Variants in GRM4 observed in about 807,000 individuals in gnomAD.
The protein encoded by GRM4 is metabotropic glutamate receptor 4.
A neutral mutation model predicts 81.7 loss-of-function variants in GRM4; 28 were observed. The ratio of observed to expected loss-of-function variants is 0.34; its 90% confidence interval spans 0.25 to 0.47. GRM4 has a LOEUF of 0.47. GRM4 is among the 20% of genes least tolerant of loss of function. GRM4 has a pLI of 1.00. For synonymous variants in GRM4, 488 were observed against 528.8 expected, an observed-to-expected ratio of 0.92 and a Z score of 1.06; for missense variants, 948 against 1,290.0, an observed-to-expected ratio of 0.73 and a Z score of 4.06.
intron 2 of GRM4, among the ~76,000 whole-genome samples, chr6:34,107,148 G>T (rs1275223038): frequency 6.6e-6 from 1 of 152,206 alleles, no homozygotes; most frequent in Non-Finnish European, 1.5e-5. Context: ...GACCCCAGGG[G>T]ATCTTTGCCT....
chr6:34,110,855 G>A (rs2127499106), intron 2 of GRM4: 1 of 1,333,662 alleles, frequency 7.5e-7, no homozygotes, highest in African/African-American at 1.5e-5. Flanking sequence ...TCCAGCTCAG[G>A]CCTGGAGGTG....
chr6:34,123,937 C>T (rs1373992639), intron 2 of GRM4, among the ~76,000 whole-genome samples: 4 of 152,064 alleles, frequency 2.6e-5, no homozygotes, highest in East Asian at 3.9e-4. Context: ...GGGTGGGGTC[C>T]GAAGAGGCCC....
chr6:34,073,209 T>C (rs1424395680), intron 3 of GRM4, among the ~76,000 whole-genome samples: 6 of 418 alleles, frequency 0.014, no homozygotes, highest in Admixed American at 0.12. Flanking sequence ...CACCCACACA[T>C]CACACAAACA....
intron 1 of GRM4, among the ~76,000 whole-genome samples, chr6:34,151,973 T>C (rs1263811941): frequency 6.6e-5 from 10 of 152,054 alleles, no homozygotes. Context: ...GAAATGCTTT[T>C]CAAGGGCCAG....
intron 3 of GRM4, among the ~76,000 whole-genome samples, chr6:34,075,875 A>G (rs937039): frequency 0.35 from 53,036 of 152,122 alleles, 11,549 homozygotes; most frequent in Non-Finnish European, 0.49. Flanking sequence ...TCCATGCTCA[A>G]CCGACGATAG....
intron 9 of GRM4, among the ~76,000 whole-genome samples, chr6:34,032,613 C>T (rs1056543656): frequency 4.6e-5 from 7 of 152,220 alleles, no homozygotes; most frequent in South Asian, 2.1e-4. Flanking sequence ...GCCAGCCTGT[C>T]GTATGACCTG....
intron 6 of GRM4, among the ~76,000 whole-genome samples, chr6:34,052,269 T>A (rs1450510460): frequency 6.6e-6 from 1 of 152,216 alleles, no homozygotes; most frequent in East Asian, 1.9e-4. Context: ...AAGCTCCAAT[T>A]GTTCACAGTG....
chr6:34,067,987 G>C (rs1484607316), intron 3 of GRM4, among the ~76,000 whole-genome samples: 1 of 152,244 alleles, frequency 6.6e-6, no homozygotes, highest in Non-Finnish European at 1.5e-5. Flanking sequence ...CCGCAGACGT[G>C]TACTGAGCGC....
rs200974018 is a variant in GRM4 at position 34,072,598 on chromosome 6, C to CCA, written c.737-10572_737-10571dup. Among the ~76,000 whole-genome samples, 317 of 145,082 alleles carry CCA rather than the reference C, an allele frequency of 2.2e-3. 4 individuals are homozygous for CCA. The highest frequency in any genetic ancestry group is 0.011 in the South Asian group (51 of 4,624). On this transcript the variant is annotated intron_variant, in intron 3 of 10. Transcript: ENST00000538487. ...CACACACATATCACACAGATACAGA[C>CCA]CACACACACACACACACACATCACC...
At chr6:34,044,423 T>C (rs1057080418) in intron 6 of GRM4, among the ~76,000 whole-genome samples, 182 of 113,446 alleles carry the variant, frequency 1.6e-3, no homozygotes, top group Middle Eastern at 0.014. Context: ...GACACACACA[T>C]ACACACAGAC....
In GRM4 at chr6:34,125,747, G is replaced by A. The variant is rs184116269; in HGVS notation, c.519+7231C>T. ...CCACGTCCCTTCCCCTCTCTATTCA[G>A]GCTCAGGCCTGGCTCTGGTCTGGAG... On this transcript the variant is annotated intron_variant, in intron 2 of 10. Coordinates refer to ENST00000538487, the MANE Select transcript of GRM4 (RefSeq NM_000841.4). Among the ~76,000 whole-genome samples the A allele has an allele frequency of 1.2e-3, 188 of 152,336 alleles. 2 individuals are homozygous for A. Among genetic ancestry groups the A allele is most frequent in the African/African-American group, 4.1e-3 (172 of 41,580 alleles).
chr6:34,091,223 G>A (rs114088906), intron 3 of GRM4, among the ~76,000 whole-genome samples: 2,283 of 152,290 alleles, frequency 0.015, 39 homozygotes, highest in African/African-American at 0.042. Context: ...CCTTGTTATC[G>A]CTCAGCCACT....
At chr6:34,137,986 C>A (rs946328184) in intron 1 of GRM4, among the ~76,000 whole-genome samples, 1 of 152,140 alleles carries the variant, frequency 6.6e-6, no homozygotes, top group Admixed American at 6.5e-5. Flanking sequence ...CCAGAAAGAA[C>A]CACAAACCAC....
intron 3 of GRM4, among the ~76,000 whole-genome samples, chr6:34,087,968 G>A (rs1289363996): frequency 1.3e-5 from 2 of 152,114 alleles, no homozygotes; most frequent in African/African-American, 2.4e-5. Context: ...GGACACACCT[G>A]TATCTCCATT....
chr6:34,077,045 C>T (rs1363358422), intron 3 of GRM4, among the ~76,000 whole-genome samples: 1 of 152,036 alleles, frequency 6.6e-6, no homozygotes, highest in Non-Finnish European at 1.5e-5. Flanking sequence ...GGTGGGTAGC[C>T]TCTGCAAGTT....
At chr6:34,044,696 A>G (rs1765247430) in intron 6 of GRM4, among the ~76,000 whole-genome samples, 1 of 147,108 alleles carries the variant, frequency 6.8e-6, no homozygotes, top group South Asian at 2.1e-4. Flanking sequence ...ACATACATAC[A>G]CATATATACA....
At position 34,133,868 on chromosome 6, in the gene GRM4, G is replaced by A. The variant is rs1237864852; in HGVS notation, c.-363-9C>T. The A allele has an allele frequency of 7.7e-6, 8 of 1,041,292 alleles. No homozygotes were observed. The highest frequency in any genetic ancestry group is 5.6e-5 in the Admixed American group (1 of 17,890). 64.5% of individuals were successfully genotyped at this position (1,041,292 alleles called of 1,614,324 possible). A position where few individuals can be genotyped will look rare whatever the true frequency, so the allele number is the denominator to read the frequency against. Reference sequence around the variant, plus strand: ...CCTCTCCTCCTACCAACCTTAGAAGGGGAAGAGAGAGAGAGAATATCAAAC... The same window carrying A: ...CCTCTCCTCCTACCAACCTTAGAAGAGGAAGAGAGAGAGAGAATATCAAAC... On this transcript the variant is annotated splice_polypyrimidine_tract_variant and intron_variant, in intron 1 of 10. Coordinates refer to ENST00000538487, the MANE Select transcript of GRM4 (RefSeq NM_000841.4). This position sits in a 1 kb window ranked among gnomAD's most constrained non-coding sequence, Gnocchi z 6.5.
intron 6 of GRM4, among the ~76,000 whole-genome samples, chr6:34,053,491 C>T (rs184515774): frequency 6.6e-6 from 1 of 152,354 alleles, no homozygotes; most frequent in East Asian, 1.9e-4. Flanking sequence ...GGCCTGGGGC[C>T]ACACAGGGAC....
chr6:34,106,477 G>GT (rs11447641), intron 2 of GRM4, among the ~76,000 whole-genome samples: 89,744 of 151,050 alleles, frequency 0.59, 26,750 homozygotes, highest in Admixed American at 0.65. Flanking sequence ...GAAAACCACA[G>GT]CTTTCAATGG....
Sources: gnomAD v4.1 joint callset for allele counts (sites outside exome capture counted in the v4.1 genomes callset) on GRCh38, gnomAD v4.1.1 for gene constraint, Gnocchi (gnomAD v3.1) non-coding constraint, MANE v1.5 for transcripts, NCBI Gene and HGNC (gene_info 2026-07-23, HGNC 2026-07-21) for gene names.